Variants in LGR5 observed in about 807,000 individuals in gnomAD.
The protein encoded by LGR5 is leucine rich repeat containing G protein-coupled receptor 5, also known as leucine-rich repeat-containing G protein-coupled receptor 5.
Under a neutral mutation model 76.7 loss-of-function variants are expected in LGR5, and 54 were observed. The observed-to-expected ratio is 0.70, with a 90% CI of 0.57 to 0.88. The LOEUF (loss-of-function observed/expected upper bound fraction) is 0.88, where lower values mean the gene tolerates loss of function less well. LGR5 is among the 40% of genes least tolerant of loss of function. The probability of loss-of-function intolerance (pLI) is 0.00; values close to 1 mark genes in which losing one functional copy is unlikely to be tolerated. For synonymous variants in LGR5, 406 were observed against 421.9 expected, an observed-to-expected ratio of 0.96 and a Z score of 0.46; for missense variants, 1,078 against 1,073.3, an observed-to-expected ratio of 1.00 and a Z score of -0.06.
At chr12:71,505,257 A>C (rs1448153772) in intron 2 of LGR5, among the ~76,000 whole-genome samples, 1 of 152,252 alleles carries the variant, frequency 6.6e-6, no homozygotes, top group Non-Finnish European at 1.5e-5. Context: ...CTAAAAATAA[A>C]AACTAAAAAA....
At chr12:71,560,910 A>G (rs936152358) in intron 7 of LGR5, among the ~76,000 whole-genome samples, 5 of 152,248 alleles carry the variant, frequency 3.3e-5, no homozygotes. Context: ...CCACAATTTT[A>G]CTAAAGAAAA....
chr12:71,440,577 G>A lies in LGR5; in HGVS notation c.212+285G>A, dbSNP rs988109016. On this transcript the variant is annotated intron_variant, in intron 1 of 17. Transcript: ENST00000266674. The surrounding 1 kb of genome is among the most constrained non-coding windows in gnomAD (Gnocchi z 5.3). ...AGTCCAGCGCTAGAAACATCGCAGG[G>A]CGAATTCCTGCAAATGCAGGCATTT... Among the ~76,000 whole-genome samples, 1 of 152,320 alleles carries A rather than the reference G, an allele frequency of 6.6e-6. No homozygotes were observed. Among genetic ancestry groups the A allele is most frequent in the East Asian group, 1.9e-4 (1 of 5,160 alleles).
intron 1 of LGR5, among the ~76,000 whole-genome samples, chr12:71,451,673 G>C (rs1206405817): frequency 1.3e-5 from 2 of 152,012 alleles, no homozygotes; most frequent in South Asian, 2.1e-4. Context: ...TCATCTACTT[G>C]TCCGTTTCTA....
intron 17 of LGR5, among the ~76,000 whole-genome samples, chr12:71,582,743 C>G (rs181144165): frequency 8.5e-5 from 13 of 152,194 alleles, no homozygotes; most frequent in Admixed American, 7.9e-4. Context: ...GGTGGGAGGA[C>G]TTTTGATTTA....
intron 8 of LGR5, among the ~76,000 whole-genome samples, chr12:71,565,421 G>GATATATATATATATATATAT (rs1565762535): frequency 6.2e-5 from 9 of 144,148 alleles, no homozygotes; most frequent in African/African-American, 1.7e-4. Context: ...GATCAATTGA[G>GATATATATATATATATATAT]CTATATATAT....
Position 71,584,661 on chromosome 12 carries a change from C to T in LGR5, c.2651C>T (p.Ser884Phe), listed in dbSNP as rs1369004335. Residue 884 changes from serine (S) to phenylalanine (F), a missense_variant, in exon 18 of 18, where the codon TCC (serine) becomes TTC (phenylalanine). Transcript: ENST00000266674. ...SSITYDLPPS[S>F]VPSPAYPVTE... The stretch of plus-strand genomic sequence containing the variant: ...ATCACTTATGACCTGCCTCCCAGTT[C>T]CGTGCCATCACCAGCTTATCCAGTG... 6.2e-7 allele frequency: 1 copy of T among 1,614,196 alleles called. No homozygotes were observed.
intron 3 of LGR5, among the ~76,000 whole-genome samples, chr12:71,534,514 A>G (rs1199387587): frequency 1.3e-5 from 2 of 152,204 alleles, no homozygotes; most frequent in Non-Finnish European, 2.9e-5. Context: ...AAAAACATAT[A>G]TAAGAGCATG....
chr12:71,527,186 T>C (rs1038051753), intron 3 of LGR5, among the ~76,000 whole-genome samples: 34 of 152,182 alleles, frequency 2.2e-4, no homozygotes, highest in Admixed American at 2.0e-3. Context: ...TGCCAGAAAT[T>C]GTGTTCACTC....
chr12:71,487,552 C>CTA (rs2137272512), intron 1 of LGR5, among the ~76,000 whole-genome samples: 1 of 152,196 alleles, frequency 6.6e-6, no homozygotes, highest in East Asian at 1.9e-4. Context: ...GTAGCTGGAG[C>CTA]TATAGGCCCA....
intron 11 of LGR5, among the ~76,000 whole-genome samples, chr12:71,569,485 C>T (rs944191657): frequency 6.7e-6 from 1 of 148,226 alleles, no homozygotes; most frequent in African/African-American, 2.5e-5. Context: ...CCCATTAAAA[C>T]GTGGGCAAAG....
At chr12:71,496,053 G>T (rs1192632675) in intron 1 of LGR5, among the ~76,000 whole-genome samples, 2 of 152,062 alleles carry the variant, frequency 1.3e-5, no homozygotes, top group African/African-American at 2.4e-5. Flanking sequence ...TGACATCACT[G>T]TACATGCCAA....
chr12:71,462,567 T>G (rs967850986), intron 1 of LGR5, among the ~76,000 whole-genome samples: 1 of 152,144 alleles, frequency 6.6e-6, no homozygotes, highest in African/African-American at 2.4e-5. Flanking sequence ...CTGCAAGCTC[T>G]TCTCAACTAC....
chr12:71,471,245 C>T (rs888456195), intron 1 of LGR5, among the ~76,000 whole-genome samples: 1 of 152,022 alleles, frequency 6.6e-6, no homozygotes, highest in African/African-American at 2.4e-5. Context: ...GGAAATAACC[C>T]AAATGTCCAC....
intron 3 of LGR5, among the ~76,000 whole-genome samples, chr12:71,534,010 A>G (rs1346289212): frequency 6.6e-6 from 1 of 152,278 alleles, no homozygotes; most frequent in Non-Finnish European, 1.5e-5. Context: ...AGTAGTGAAC[A>G]GAAAGAAACT....
chr12:71,533,717 A>G (rs1430309943), intron 3 of LGR5, among the ~76,000 whole-genome samples: 1 of 152,246 alleles, frequency 6.6e-6, no homozygotes. Flanking sequence ...TGTAGCAAGC[A>G]TTGTTCTATG....
chr12:71,442,077 C>A (rs2137189741), intron 1 of LGR5, among the ~76,000 whole-genome samples: 1 of 152,214 alleles, frequency 6.6e-6, no homozygotes, highest in Non-Finnish European at 1.5e-5. Context: ...TGTGCAGTAC[C>A]CCCAGACACT....
chr12:71,493,844 C>T (rs1477912514), intron 1 of LGR5, among the ~76,000 whole-genome samples: 1 of 148,068 alleles, frequency 6.8e-6, no homozygotes, highest in Admixed American at 6.7e-5. Context: ...TCACAGCTCA[C>T]TGAAGCGGTG....
At chr12:71,544,720 C>T (rs1191280454) in intron 4 of LGR5, among the ~76,000 whole-genome samples, 1 of 152,020 alleles carries the variant, frequency 6.6e-6, no homozygotes, top group Non-Finnish European at 1.5e-5. Context: ...AATAAAATTT[C>T]AATGCAGTAA....
chr12:71,455,702 C>T (rs1872442795), intron 1 of LGR5, among the ~76,000 whole-genome samples: 1 of 152,128 alleles, frequency 6.6e-6, no homozygotes, highest in East Asian at 1.9e-4. Context: ...CCCAGTAGTG[C>T]TAACTTCATA....
Sources: gnomAD v4.1 joint callset for allele counts (sites outside exome capture counted in the v4.1 genomes callset) on GRCh38, gnomAD v4.1.1 for gene constraint, Gnocchi (gnomAD v3.1) non-coding constraint, MANE v1.5 for transcripts, NCBI Gene and HGNC (gene_info 2026-07-23, HGNC 2026-07-21) for gene names.